Variants in IL1R2 observed in about 807,000 individuals in gnomAD.
The protein encoded by IL1R2 is interleukin 1 receptor type 2.
A neutral mutation model predicts 39.5 loss-of-function variants in IL1R2; 46 were observed. The observed-to-expected ratio is 1.16, with a 90% CI of 0.92 to 1.49. The LOEUF is 1.49. Among genes scored for constraint, IL1R2 ranks in the 40% most tolerant of loss-of-function variants. The pLI is 0.00. For synonymous variants in IL1R2, 207 were observed against 189.6 expected (o/e 1.09, Z -0.75); for missense variants, 537 against 502.0 (o/e 1.07, Z -0.67).
rs3218917 is a variant in IL1R2 at position 102,017,253 on chromosome 2, T to C, written c.513+1202T>C. On this transcript the variant is annotated intron_variant, in intron 4 of 8. Transcript: ENST00000332549. ...TCTCTACTAAAAATAAAAAATTAGC[T>C]GGGCGTGGTAGTGGGTGCCAGTAAT... Among the ~76,000 whole-genome samples the C allele has an allele frequency of 8.4e-3, 1,271 of 151,960 alleles. 20 individuals carry two copies. Among genetic ancestry groups the C allele is most frequent in the African/African-American group, 0.029 (1,217 of 41,430 alleles).
chr2:101,999,037 T>G (rs931454888), intron 1 of IL1R2: 22 of 152,354 alleles, frequency 1.4e-4, no homozygotes, highest in African/African-American at 5.1e-4. Flanking sequence ...GGAAAATACA[T>G]TCTGCTACTC....
In IL1R2 at chr2:102,024,063, A is replaced by AAAAC. The variant is rs1380166902; in HGVS notation, c.752-470_752-469insAAAC. ...GACTCCATCTCAAAAACAAAACAAA[A>AAAAC]CAAAACAAAAAAAACACGAGTTTTT... On this transcript the variant is annotated intron_variant, in intron 6 of 8. Transcript: ENST00000332549. 4.0e-5 allele frequency among the ~76,000 whole-genome samples: 6 copies of AAAAC among 151,634 alleles called. No homozygotes were observed. The South Asian group carries it at 8.4e-4, about 21-fold the overall frequency.
At chr2:102,021,454 T>C (rs1677394236) in intron 5 of IL1R2, among the ~76,000 whole-genome samples, 1 of 152,134 alleles carries the variant, frequency 6.6e-6, no homozygotes, top group Non-Finnish European at 1.5e-5. Flanking sequence ...TAGCTGGGAT[T>C]ACAGGCTTAC....
chr2:101,995,501 A>G (rs1675545544), intron 1 of IL1R2, among the ~76,000 whole-genome samples: 1 of 152,260 alleles, frequency 6.6e-6, no homozygotes, highest in East Asian at 1.9e-4. Flanking sequence ...CGATACCTTG[A>G]TTTCAGTCTG....
In IL1R2 at chr2:102,026,330, T is replaced by C. The variant is rs1039407635; in HGVS notation, c.1030+77T>C. 1.5e-5 allele frequency: 17 copies of C among 1,113,088 alleles called. No homozygotes were observed. In the Admixed American group the frequency reaches 2.1e-4, roughly 14 times the overall value. The allele number at this position is 1,113,088 out of a possible 1,614,324, so 69.0% of individuals were successfully genotyped here. On this transcript the variant is annotated intron_variant, in intron 8 of 8. Coordinates refer to ENST00000332549, the MANE Select transcript of IL1R2 (RefSeq NM_004633.4). ...TCCATGGATACTAGACAAATCTACT[T>C]GTTCTCCAAATGATTCCATAGAAAT...
At chr2:102,012,357 A>C (rs1004848517) in intron 3 of IL1R2, among the ~76,000 whole-genome samples, 2 of 152,190 alleles carry the variant, frequency 1.3e-5, no homozygotes, top group Non-Finnish European at 2.9e-5. Flanking sequence ...TTGACTTAAG[A>C]AGGACTGTAC....
chr2:101,994,015 G>A (rs895599325), intron 1 of IL1R2, among the ~76,000 whole-genome samples: 3 of 152,260 alleles, frequency 2.0e-5, no homozygotes, highest in Non-Finnish European at 2.9e-5. Flanking sequence ...TGGGCTTCCC[G>A]CCCAGCTGAT....
At chr2:102,027,906 C>T (rs969414038) in intron 8 of IL1R2, among the ~76,000 whole-genome samples, 1 of 152,122 alleles carries the variant, frequency 6.6e-6, no homozygotes, top group Admixed American at 6.5e-5. Context: ...CACAGTTGGC[C>T]AACTGTGACA....
In IL1R2 at chr2:102,008,678, C is replaced by T. The variant is rs536071812; in HGVS notation, c.67+36C>T. 20 of 1,551,944 alleles carry T rather than the reference C, an allele frequency of 1.3e-5. No individual in the cohort carries two copies. The East Asian group carries it at 4.5e-4, about 35-fold the overall frequency. ...AACCTTTCAGATGCAAAAAGGCTTG[C>T]CTGTAGCTTCGCTGGGGAAAGATGT... is the stretch of plus-strand genomic sequence containing the variant. On this transcript the variant is annotated intron_variant, in intron 2 of 8. Transcript: ENST00000332549.
At chr2:102,007,174 C>G (rs1676319766) in intron 1 of IL1R2, among the ~76,000 whole-genome samples, 1 of 152,132 alleles carries the variant, frequency 6.6e-6, no homozygotes, top group South Asian at 2.1e-4. Context: ...ACAGGGAACA[C>G]TTGTGATAGT....
chr2:102,015,357 A>G (rs1409879962), intron 3 of IL1R2, among the ~76,000 whole-genome samples: 1 of 152,162 alleles, frequency 6.6e-6, no homozygotes, highest in East Asian at 1.9e-4. Flanking sequence ...CTGTACAATT[A>G]TGTTACGACA....
chr2:102,028,296 A>G lies in IL1R2; in HGVS notation c.1101A>G (p.Ile367Met). 1 of 1,612,930 alleles carries G rather than the reference A, an allele frequency of 6.2e-7. No individual in the cohort carries two copies. Among genetic ancestry groups the G allele is most frequent in the Non-Finnish European group, 8.5e-7 (1 of 1,179,568 alleles). ...TGGCCTTCTTGGTTTTGGGGGGAATATGGATGCACAGACGGTGCAAACACA... is the reference window on the plus strand; with the variant it reads ...TGGCCTTCTTGGTTTTGGGGGGAATGTGGATGCACAGACGGTGCAAACACA... ...LSLAFLVLGG[I>M]WMHRRCKHRT... The change falls in exon 9 of 9, where the codon ATA (isoleucine) becomes ATG (methionine). Residue 367 changes from isoleucine to methionine, a missense_variant. Ile to Met is a conservative substitution (Grantham distance 10). Transcript: ENST00000332549.
In IL1R2 at chr2:102,008,525, G is replaced by T. The variant is rs767744345; in HGVS notation, c.-51G>T. 9.5e-6 allele frequency: 14 copies of T among 1,472,622 alleles called. No individual in the cohort carries two copies. In the South Asian group the frequency reaches 1.5e-4, roughly 15 times the overall value. The allele number at this position is 1,472,622 out of a possible 1,614,324, so 91.2% of individuals were successfully genotyped here. ...TGTTTCCTCCCCTAGGCCACGTGCTGCTGGGTCTCAGTCCTCCACTTCCCG... is the reference window on the plus strand; with the variant it reads ...TGTTTCCTCCCCTAGGCCACGTGCTTCTGGGTCTCAGTCCTCCACTTCCCG... On this transcript the variant is annotated 5_prime_UTR_variant, in exon 2 of 9. Coordinates refer to ENST00000332549, the MANE Select transcript of IL1R2 (RefSeq NM_004633.4).
chr2:102,015,743 A>C, intron 3 of IL1R2, 128 bp from the exon 4 acceptor site: 2 of 723,804 alleles, frequency 2.8e-6, no homozygotes, highest in Non-Finnish European at 4.5e-6. Flanking sequence ...TATGTCGGGA[A>C]ACCATCTGTA....
chr2:102,017,586 G>A (rs1299440856), intron 4 of IL1R2, among the ~76,000 whole-genome samples: 1 of 152,126 alleles, frequency 6.6e-6, no homozygotes, highest in African/African-American at 2.4e-5. Flanking sequence ...GTTGGGCCCT[G>A]GAATCAAGTT....
intron 6 of IL1R2, among the ~76,000 whole-genome samples, chr2:102,023,966 G>A (rs1677558249): frequency 6.6e-6 from 1 of 151,520 alleles, no homozygotes; most frequent in East Asian, 2.0e-4. Context: ...GGAGAATGGC[G>A]TGAACCGGGG....
chr2:102,008,506 C>A lies in IL1R2; in HGVS notation c.-61-9C>A. 7.9e-7 allele frequency: 1 copy of A among 1,258,642 alleles called. No individual in the cohort carries two copies. Among genetic ancestry groups the A allele is most frequent in the African/African-American group, 1.5e-5 (1 of 68,038 alleles). The allele number at this position is 1,258,642 out of a possible 1,614,324, so 78.0% of individuals were successfully genotyped here. ...TGGTTCCTGGTGACACCTCTGTTTC[C>A]TCCCCTAGGCCACGTGCTGCTGGGT... On this transcript the variant is annotated splice_polypyrimidine_tract_variant and intron_variant, in intron 1 of 8. Transcript: ENST00000332549.
intron 8 of IL1R2, among the ~76,000 whole-genome samples, chr2:102,027,343 G>C (rs1677801517): frequency 6.6e-6 from 1 of 152,158 alleles, no homozygotes; most frequent in South Asian, 2.1e-4. Context: ...GGTCAGATTA[G>C]TGAGCCCAAG....
At chr2:101,992,384 G>C (rs1338854490) in intron 1 of IL1R2, among the ~76,000 whole-genome samples, 1 of 151,632 alleles carries the variant, frequency 6.6e-6, no homozygotes, top group Non-Finnish European at 1.5e-5. Context: ...GAGAGACAGA[G>C]ACAGAGAGAC....
Sources: allele counts gnomAD v4.1 joint callset (sites outside exome capture counted in the v4.1 genomes callset), GRCh38; gene constraint gnomAD v4.1.1; transcripts MANE v1.5; gene names NCBI Gene and HGNC (gene_info 2026-07-23, HGNC 2026-07-21).